Variants in CYB5A observed in about 807,000 individuals in gnomAD.
The protein encoded by CYB5A is cytochrome b5.
A neutral mutation model predicts 16.2 loss-of-function variants in CYB5A; 10 were observed. That is an observed-to-expected ratio of 0.62 (90% CI 0.38 to 1.04). The LOEUF is 1.04. Ranked by LOEUF, CYB5A falls within the 50% of genes least tolerant of loss-of-function variation. CYB5A has a pLI of 0.01. For missense variants in CYB5A, 161 were observed against 165.9 expected, an observed-to-expected ratio of 0.97 and a Z score of 0.16; for synonymous variants, 62 against 57.0, an observed-to-expected ratio of 1.09 and a Z score of -0.40.
At chr18:74,280,765 T>C (rs1240851517) in intron 1 of CYB5A, among the ~76,000 whole-genome samples, 1 of 152,078 alleles carries the variant, frequency 6.6e-6, no homozygotes, top group Non-Finnish European at 1.5e-5. Context: ...CTGTCAACAA[T>C]GAGGTGGAAA....
At chr18:74,281,902 C>T (rs934018672) in intron 1 of CYB5A, among the ~76,000 whole-genome samples, 2 of 151,576 alleles carry the variant, frequency 1.3e-5, no homozygotes, top group Admixed American at 1.3e-4. Flanking sequence ...CAGGGTGTGG[C>T]CTGGAGGGGC....
At chr18:74,264,623 C>T (rs903592196) in intron 1 of CYB5A, among the ~76,000 whole-genome samples, 4 of 152,194 alleles carry the variant, frequency 2.6e-5, no homozygotes, top group Admixed American at 2.0e-4. Context: ...AAACAAGTAA[C>T]TTGCTGAAGA....
At chr18:74,283,522 A>C (rs1406014940) in intron 1 of CYB5A, among the ~76,000 whole-genome samples, 1 of 152,198 alleles carries the variant, frequency 6.6e-6, no homozygotes, top group Non-Finnish European at 1.5e-5. Flanking sequence ...CAACATAGTA[A>C]ACTGACAACA....
chr18:74,276,059 C>T (rs1039484456), intron 1 of CYB5A, among the ~76,000 whole-genome samples: 15 of 152,174 alleles, frequency 9.9e-5, no homozygotes, highest in East Asian at 3.9e-4. Context: ...GCTTCCTGCA[C>T]AGCCCACTAT....
chr18:74,282,389 T>A lies in CYB5A; in HGVS notation c.129+9358A>T, dbSNP rs142815905. Among the ~76,000 whole-genome samples, 392 of 151,240 alleles carry A rather than the reference T, an allele frequency of 2.6e-3. 2 individuals carry two copies. Among genetic ancestry groups the A allele is most frequent in the African/African-American group, 8.9e-3 (365 of 41,124 alleles). On this transcript the variant is annotated intron_variant, in intron 1 of 4. Transcript: ENST00000340533. ...ACAGAGTAAGAAGGGATCACACTAG[T>A]ATGCACTGTGTATGGAAAAAGGGGG...
intron 1 of CYB5A, among the ~76,000 whole-genome samples, chr18:74,290,052 T>C (rs1440716019): frequency 6.6e-6 from 1 of 152,178 alleles, no homozygotes; most frequent in Non-Finnish European, 1.5e-5. Flanking sequence ...TATCTTAAAA[T>C]TCCACATTTA....
chr18:74,259,757 A>G (rs891047401), intron 3 of CYB5A: 1 of 152,196 alleles, frequency 6.6e-6, no homozygotes, highest in African/African-American at 2.4e-5. Flanking sequence ...GAAAAACTTT[A>G]TGCAACACAG....
intron 3 of CYB5A, chr18:74,258,562 T>A (rs10514119): frequency 6.6e-6 from 1 of 152,186 alleles, no homozygotes; most frequent in East Asian, 1.9e-4. Context: ...ACAGTGTACA[T>A]TCTTCAACCT....
chr18:74,274,231 T>A (rs1371464979), intron 1 of CYB5A, among the ~76,000 whole-genome samples: 1 of 152,218 alleles, frequency 6.6e-6, no homozygotes, highest in East Asian at 1.9e-4. Flanking sequence ...TGGGTTTGTA[T>A]GTTGAGGCCA....
chr18:74,272,119 T>C (rs1982692796), intron 1 of CYB5A, among the ~76,000 whole-genome samples: 1 of 152,244 alleles, frequency 6.6e-6, no homozygotes, highest in Non-Finnish European at 1.5e-5. Context: ...CCTATGTAAC[T>C]GTTGGACATG....
At chr18:74,261,142 T>C (rs559544180) in intron 2 of CYB5A, 198 bp from the exon 3 acceptor site, 7 of 551,506 alleles carry the variant, frequency 1.3e-5, no homozygotes, top group Admixed American at 8.1e-5. Flanking sequence ...CCAAGAGATA[T>C]TTTCTATCTA....
intron 3 of CYB5A, chr18:74,257,335 T>A (rs909466803): frequency 3.0e-5 from 5 of 168,878 alleles, no homozygotes; most frequent in African/African-American, 1.2e-4. Flanking sequence ...GAGGGGAACT[T>A]GAAATAATCG....
At chr18:74,287,439 A>G (rs1413826701) in intron 1 of CYB5A, among the ~76,000 whole-genome samples, 1 of 152,216 alleles carries the variant, frequency 6.6e-6, no homozygotes, top group Non-Finnish European at 1.5e-5. Context: ...TGGTCTACGC[A>G]ACATAGGCAG....
intron 3 of CYB5A, chr18:74,260,285 T>C (rs1982148604): frequency 6.5e-6 from 1 of 154,876 alleles, no homozygotes; most frequent in Admixed American, 6.4e-5. Context: ...CTACTTGTAC[T>C]TTTCAGGAAC....
intron 1 of CYB5A, among the ~76,000 whole-genome samples, chr18:74,285,621 T>C (rs932060294): frequency 7.2e-5 from 11 of 152,024 alleles, no homozygotes; most frequent in Non-Finnish European, 1.2e-4. Context: ...CCCAGCACTC[T>C]GGGAGGCCAA....
intron 2 of CYB5A, among the ~76,000 whole-genome samples, chr18:74,261,913 C>T (rs62098132): frequency 0.059 from 9,019 of 152,160 alleles, 366 homozygotes; most frequent in South Asian, 0.096. Flanking sequence ...CCCCTTCTGG[C>T]GGGCTGCTAA....
At chr18:74,254,713 G>T (rs544192928) in intron 4 of CYB5A, among the ~76,000 whole-genome samples, 1 of 151,668 alleles carries the variant, frequency 6.6e-6, no homozygotes, top group East Asian at 1.9e-4. Context: ...GTAGAGACAG[G>T]GTTTCACTGT....
chr18:74,289,178 T>C (rs567203163), intron 1 of CYB5A, among the ~76,000 whole-genome samples: 1 of 152,250 alleles, frequency 6.6e-6, no homozygotes, highest in Admixed American at 6.5e-5. Context: ...CACAAAAACT[T>C]TGAGTAAGAA....
At chr18:74,288,520 G>T (rs1311670532) in intron 1 of CYB5A, among the ~76,000 whole-genome samples, 1 of 152,210 alleles carries the variant, frequency 6.6e-6, no homozygotes, top group African/African-American at 2.4e-5. Flanking sequence ...AAATTCTGGA[G>T]CCTTTCAACA....
Sources: allele counts gnomAD v4.1 joint callset (sites outside exome capture counted in the v4.1 genomes callset), GRCh38; gene constraint gnomAD v4.1.1; transcripts MANE v1.5; gene names NCBI Gene and HGNC (gene_info 2026-07-23, HGNC 2026-07-21).